Variants in TM7SF3 observed in about 807,000 individuals in gnomAD.
TM7SF3 encodes transmembrane 7 superfamily member 3, also known as seven span transmembrane protein.
In TM7SF3, 60 loss-of-function variants were observed where a neutral mutation model predicts 65.5. The ratio of observed to expected loss-of-function variants is 0.92; its 90% CI spans 0.74 to 1.14. TM7SF3 has a LOEUF of 1.14. Among genes scored for constraint, TM7SF3 ranks in the 50% most tolerant of loss-of-function variants. The pLI is 0.00. For missense variants in TM7SF3, 623 were observed against 684.8 expected (o/e 0.91, Z 1.01); for synonymous variants, 264 against 259.6 (o/e 1.02, Z -0.16).
At chr12:27,000,163 CA>C (rs1197706683) in intron 2 of TM7SF3, among the ~76,000 whole-genome samples, 2 of 152,186 alleles carry the variant, frequency 1.3e-5, no homozygotes, top group African/African-American at 4.8e-5. Flanking sequence ...AATCACTTCC[CA>C]AAGACTCCAC....
intron 1 of TM7SF3, 115 bp downstream of exon 1, chr12:27,013,953 CCCAGCGTGTA>C (rs919032435): frequency 3.6e-5 from 29 of 813,854 alleles, no homozygotes; most frequent in Non-Finnish European, 5.3e-5. Flanking sequence ...GGACTCACCA[CCCAGCGTGTA>C]CCAACGCCCC....
intron 6 of TM7SF3, among the ~76,000 whole-genome samples, chr12:26,986,235 C>T (rs943295427): frequency 6.6e-6 from 1 of 152,078 alleles, no homozygotes; most frequent in Non-Finnish European, 1.5e-5. Context: ...TAGCAAGAAT[C>T]CCCTATGCTT....
At chr12:27,012,530 A>T (rs1941283680) in intron 1 of TM7SF3, among the ~76,000 whole-genome samples, 1 of 152,188 alleles carries the variant, frequency 6.6e-6, no homozygotes, top group African/African-American at 2.4e-5. Context: ...ATTAACCTCA[A>T]AACAAAACAG....
chr12:27,003,095 T>C (rs559241096), intron 2 of TM7SF3, 141 bp downstream of exon 2: 27 of 649,930 alleles, frequency 4.2e-5, no homozygotes, highest in African/African-American at 5.5e-5. Context: ...CTTGAAAACA[T>C]CCTATCTTGA....
Position 26,976,508 on chromosome 12 carries a change from A to C in TM7SF3, c.1190-151T>G, listed in dbSNP as rs768018844. 144 of 624,466 alleles carry C rather than the reference A, an allele frequency of 2.3e-4. 1 individual carries two copies. Among genetic ancestry groups the C allele is most frequent in the Non-Finnish European group, 3.3e-4 (116 of 354,122 alleles). 38.7% of individuals were successfully genotyped at this position (624,466 alleles called of 1,614,324 possible). A position where few individuals can be genotyped will look rare whatever the true frequency, so the allele number is the denominator to read the frequency against. On this transcript the variant is annotated intron_variant, in intron 9 of 11. Coordinates refer to ENST00000343028, the MANE Select transcript of TM7SF3 (RefSeq NM_016551.3). ...CTAGAAATGAATTCTAATTTTCTTC[A>C]TTTAACTGTCAATACAATCTTCTTT...
rs961098981 is a variant in TM7SF3, at chr12:26,990,560, A to G, written c.758T>C (p.Ile253Thr). The G allele has an allele frequency of 3.3e-5, 54 of 1,613,936 alleles. No individual in the cohort carries two copies. Among genetic ancestry groups the G allele is most frequent in the Non-Finnish European group, 4.6e-5 (54 of 1,179,888 alleles). The part of the protein sequence containing the change: ...SFSSLPGQGV[I>T]YNVIVWDPFL... ...CGGGTCCCAAACAATGACATTGTAT[A>G]TGACACCTTGTCCCGGGAGGGAGGA... The change falls in exon 6 of 12, where the codon ATA becomes ACA. Residue 253 changes from isoleucine to threonine, a missense_variant. Physicochemically the swap from Ile to Thr is moderately conservative, Grantham distance 89. Transcript: ENST00000343028.
chr12:26,975,577 AG>A lies in TM7SF3; in HGVS notation c.1368del (p.Tyr457ThrfsTer4), dbSNP rs1206306537. 1 of 1,614,192 alleles carries A rather than the reference AG, an allele frequency of 6.2e-7. No individual in the cohort carries two copies. The highest frequency in any genetic ancestry group is 1.7e-5 in the Admixed American group (1 of 60,024). On this transcript the variant is annotated frameshift_variant, in exon 11 of 12. Coordinates refer to ENST00000343028, the MANE Select transcript of TM7SF3 (RefSeq NM_016551.3). LOFTEE classifies it high-confidence loss of function. ...CTCTTGAGTACGTTCAAAGTGATGT[AG>A]GAAAGGCTTGTGGACCAGTAACTGT... ...AIDSYWSTSL[S>X]YITLNVLKRA...
Position 26,997,823 on chromosome 12 carries a change from C to CTT in TM7SF3, c.398-963_398-962dup, listed in dbSNP as rs3071165. ...TCCGTAGACTGTAACTTACCACTTC[C>CTT]TTTTTTTTTTTTTTTTTTTTGAGAC... On this transcript the variant is annotated intron_variant, in intron 3 of 11. Coordinates refer to ENST00000343028, the MANE Select transcript of TM7SF3 (RefSeq NM_016551.3). 1.1e-3 allele frequency among the ~76,000 whole-genome samples: 126 copies of CTT among 114,040 alleles called. 1 individual carries two copies. Among genetic ancestry groups the CTT allele is most frequent in the African/African-American group, 2.6e-3 (77 of 29,510 alleles). The allele number at this position is 114,040 out of a possible 152,430, so 74.8% of individuals were successfully genotyped here.
intron 8 of TM7SF3, 112 bp from the exon 9 acceptor site, chr12:26,980,048 A>C (rs1939749630): frequency 1.5e-6 from 2 of 1,295,560 alleles, no homozygotes; most frequent in East Asian, 4.9e-5. Context: ...TAGGTCAGGC[A>C]CTGAGGGCTC....
intron 6 of TM7SF3, among the ~76,000 whole-genome samples, chr12:26,986,158 C>A (rs1277683331): frequency 6.6e-6 from 1 of 152,076 alleles, no homozygotes; most frequent in Non-Finnish European, 1.5e-5. Context: ...TCCTGAACCC[C>A]CTCCTAGGCC....
At chr12:27,006,693 A>G (rs1233288452) in intron 1 of TM7SF3, among the ~76,000 whole-genome samples, 1 of 152,248 alleles carries the variant, frequency 6.6e-6, no homozygotes, top group Non-Finnish European at 1.5e-5. Context: ...ATAAGCATGC[A>G]TATTTCCGCA....
At chr12:26,986,650 C>T (rs571514875) in intron 6 of TM7SF3, among the ~76,000 whole-genome samples, 4 of 152,202 alleles carry the variant, frequency 2.6e-5, no homozygotes, top group East Asian at 3.9e-4. Flanking sequence ...CATAATCTCT[C>T]GCTTGAACAC....
intron 1 of TM7SF3, among the ~76,000 whole-genome samples, chr12:27,004,741 A>ATCATAACATAAG (rs1246066625): frequency 1.1e-4 from 17 of 152,208 alleles, no homozygotes; most frequent in Admixed American, 6.5e-5. Context: ...GTGATGCTAC[A>ATCATAACATAAG]TTACATTCAT....
In TM7SF3 at chr12:26,996,836, C is replaced by A; in HGVS notation, c.424G>T (p.Glu142Ter). 1 of 1,612,556 alleles carries A rather than the reference C, an allele frequency of 6.2e-7. No homozygotes were observed. Among genetic ancestry groups the A allele is most frequent in the Non-Finnish European group, 8.5e-7 (1 of 1,179,490 alleles). ...TTGGGATCAATATCTAAATCGAACT[C>A]CAAATTACAGCCTCCAGGGACAGGA... Reference protein sequence around the residue: ...RDPVPGGCNLEFDLDIDPNIY... With the variant: ...RDPVPGGCNL Residue 142 changes from glutamate to a stop codon, truncating the protein, a stop_gained, in exon 4 of 12, where the codon GAG becomes TAG. Transcript: ENST00000343028. LOFTEE classifies it high-confidence loss of function.
At chr12:26,986,544 C>T (rs922923740) in intron 6 of TM7SF3, among the ~76,000 whole-genome samples, 1 of 152,188 alleles carries the variant, frequency 6.6e-6, no homozygotes, top group African/African-American at 2.4e-5. Flanking sequence ...TACTACCCCC[C>T]ACCTTGAATA....
chr12:27,004,244 T>C (rs1940946093), intron 1 of TM7SF3, among the ~76,000 whole-genome samples: 1 of 152,152 alleles, frequency 6.6e-6, no homozygotes, highest in Non-Finnish European at 1.5e-5. Context: ...TTAATTAGGT[T>C]GCTTTTACTC....
intron 1 of TM7SF3, among the ~76,000 whole-genome samples, chr12:27,013,852 C>T (rs1326675406): frequency 6.6e-6 from 1 of 152,192 alleles, no homozygotes; most frequent in East Asian, 1.9e-4. Context: ...TTTATCTCTT[C>T]CCATTTCCTC....
In TM7SF3 at chr12:26,974,041, T is replaced by A. The variant is rs373434607; in HGVS notation, c.1637A>T (p.Tyr546Phe). 1.9e-6 allele frequency: 3 copies of A among 1,614,196 alleles called. No individual in the cohort carries two copies. The highest frequency in any genetic ancestry group is 2.5e-6 in the Non-Finnish European group (3 of 1,180,030). Residue 546 changes from tyrosine to phenylalanine, a missense_variant, in exon 12 of 12, where the codon TAT (tyrosine) becomes TTT (phenylalanine). Transcript: ENST00000343028. Reference protein sequence around the residue: ...YHIPPLRERLYGRLTQIKGLF... With the variant: ...YHIPPLRERLFGRLTQIKGLF... ...CCCTTTAATCTGGGTTAATCGGCCA[T>A]AGAGCCTCTCTCTCAATGGAGGAAT...
chr12:26,995,764 A>G (rs1458118560), intron 4 of TM7SF3, among the ~76,000 whole-genome samples: 1 of 152,152 alleles, frequency 6.6e-6, no homozygotes, highest in Non-Finnish European at 1.5e-5. Flanking sequence ...TCATGTGTGG[A>G]CACAATGACA....
Sources: allele counts gnomAD v4.1 joint callset (sites outside exome capture counted in the v4.1 genomes callset), GRCh38; gene constraint gnomAD v4.1.1; transcripts MANE v1.5; gene names NCBI Gene and HGNC (gene_info 2026-07-23, HGNC 2026-07-21).